Variants in SYBU observed in about 807,000 individuals in gnomAD.
SYBU encodes the protein GOLSYN A protein.
A neutral mutation model predicts 35.9 loss-of-function variants in SYBU; 21 were observed. The observed-to-expected ratio is 0.58, with a 90% CI of 0.41 to 0.84. SYBU has a LOEUF of 0.84. Ranked by LOEUF, SYBU falls within the 40% of genes least tolerant of loss-of-function variation. The pLI is 0.00. For missense variants in SYBU, 768 were observed against 848.2 expected, an observed-to-expected ratio of 0.91 and a Z score of 1.17; for synonymous variants, 319 against 324.3, an observed-to-expected ratio of 0.98 and a Z score of 0.18.
intron 1 of SYBU, 138 bp downstream of exon 1, chr8:109,644,498 T>C: frequency 9.7e-7 from 1 of 1,031,248 alleles, no homozygotes; most frequent in Non-Finnish European, 1.4e-6. Context: ...TCCTGCCTTC[T>C]CCAGACCCCA....
intron 1 of SYBU, among the ~76,000 whole-genome samples, chr8:109,671,393 A>G (rs1030587135): frequency 6.6e-6 from 1 of 152,182 alleles, no homozygotes; most frequent in African/African-American, 2.4e-5. Flanking sequence ...TCCTCTGAGA[A>G]GTACACTCAG....
At chr8:109,663,264 G>C (rs1438467141) in intron 1 of SYBU, among the ~76,000 whole-genome samples, 3 of 133,402 alleles carry the variant, frequency 2.2e-5, no homozygotes, top group African/African-American at 7.1e-5. Flanking sequence ...CATACAGATA[G>C]ATAGATAGAT....
intron 1 of SYBU, among the ~76,000 whole-genome samples, chr8:109,661,787 G>T (rs376599262): frequency 1.3e-5 from 2 of 152,126 alleles, no homozygotes; most frequent in East Asian, 3.8e-4. Flanking sequence ...AAAGAAGTTG[G>T]TAGAGCACCG....
intron 3 of SYBU, among the ~76,000 whole-genome samples, chr8:109,609,957 C>A (rs559670744): frequency 2.6e-5 from 4 of 152,194 alleles, no homozygotes; most frequent in Non-Finnish European, 5.9e-5. Context: ...AGAGGGATCC[C>A]AAACATGTAA....
At chr8:109,665,406 G>A (rs1176718148) in intron 1 of SYBU, among the ~76,000 whole-genome samples, 1 of 152,186 alleles carries the variant, frequency 6.6e-6, no homozygotes, top group African/African-American at 2.4e-5. Flanking sequence ...GCTGGCTAAA[G>A]CAGAGTTGAT....
chr8:109,597,001 C>A (rs1030085867), intron 3 of SYBU, among the ~76,000 whole-genome samples: 3 of 152,136 alleles, frequency 2.0e-5, no homozygotes, highest in Non-Finnish European at 2.9e-5. Context: ...AAACTAGAAT[C>A]TCTGTTTTAC....
chr8:109,601,911 A>G (rs918793432), intron 3 of SYBU, among the ~76,000 whole-genome samples: 9 of 152,154 alleles, frequency 5.9e-5, no homozygotes, highest in Admixed American at 3.9e-4. Flanking sequence ...GCAAGAGAGA[A>G]CCATAATGAG....
At position 109,653,403 on chromosome 8, in the gene SYBU, T is replaced by A. The variant is rs928174532; in HGVS notation, c.-129+27308A>T. ...CTCCCATCTTCCCCTGCCCTTTGCC[T>A]GCCTATTACCTTTGGATTTGCCTCC... is the stretch of plus-strand genomic sequence containing the variant. On this transcript the variant is annotated intron_variant, in intron 1 of 5. Transcript: ENST00000408889. Among the ~76,000 whole-genome samples, 11 of 152,274 alleles carry A rather than the reference T, an allele frequency of 7.2e-5. 1 individual carries two copies. The South Asian group carries it at 1.9e-3, about 26-fold the overall frequency.
chr8:109,675,348 G>T (rs547406966), intron 1 of SYBU, among the ~76,000 whole-genome samples: 6 of 152,080 alleles, frequency 3.9e-5, no homozygotes, highest in Admixed American at 3.3e-4. Context: ...AATGAATTCC[G>T]GAGCTGGTTT....
intron 2 of SYBU, among the ~76,000 whole-genome samples, chr8:109,622,148 A>T (rs907338689): frequency 6.6e-6 from 1 of 151,540 alleles, no homozygotes; most frequent in African/African-American, 2.4e-5. Context: ...GACTTAAATG[A>T]CTTCTGCTTC....
chr8:109,681,141 G>A (rs1396904913), upstream of SYBU: 1 of 152,214 alleles, frequency 6.6e-6, no homozygotes, highest in Non-Finnish European at 1.5e-5. Context: ...ATATATTAGA[G>A]ACACTGAGAA....
chr8:109,603,179 CT>C (rs1825725074), intron 3 of SYBU, among the ~76,000 whole-genome samples: 1 of 152,274 alleles, frequency 6.6e-6, no homozygotes, highest in Non-Finnish European at 1.5e-5. Flanking sequence ...GCAAAGAGCT[CT>C]GTCTCCAGCA....
intron 1 of SYBU, among the ~76,000 whole-genome samples, chr8:109,651,378 C>G (rs4506181): frequency 0.13 from 18,689 of 148,882 alleles, 3,251 homozygotes; most frequent in African/African-American, 0.39. Context: ...TCTGGAAAAA[C>G]ATCTGTGATG....
intron 2 of SYBU, among the ~76,000 whole-genome samples, chr8:109,624,275 G>T (rs1015490141): frequency 2.6e-5 from 4 of 152,024 alleles, no homozygotes; most frequent in Non-Finnish European, 4.4e-5. Context: ...AATTATCCAC[G>T]AACAATTCTT....
rs867826688 is a variant in SYBU, at chr8:109,644,763, G to T, written c.-104C>A. On this transcript the variant is annotated 5_prime_UTR_variant, in exon 1 of 7. Transcript: ENST00000276646. ...ACTGCGCTGAGCCGGCGCGGGCTGCGGGCGGCGGCTCTTGGTGAGGCTCCA... is the reference window on the plus strand; with the variant it reads ...ACTGCGCTGAGCCGGCGCGGGCTGCTGGCGGCGGCTCTTGGTGAGGCTCCA... The T allele has an allele frequency of 3.0e-5, 35 of 1,166,066 alleles. No homozygotes were observed. The highest frequency in any genetic ancestry group is 2.1e-4 in the Admixed American group (5 of 23,602). 72.2% of individuals were successfully genotyped at this position (1,166,066 alleles called of 1,614,324 possible).
At chr8:109,644,306 C>A in intron 1 of SYBU, 1 of 546,146 alleles carries the variant, frequency 1.8e-6, no homozygotes. Flanking sequence ...TCCTCTTTTC[C>A]CAGTCGCGGA....
At chr8:109,603,579 A>C (rs1420551184) in intron 3 of SYBU, 1 of 168,018 alleles carries the variant, frequency 6.0e-6, no homozygotes, top group Non-Finnish European at 1.2e-5. Flanking sequence ...TTCCCTCTCC[A>C]GCCCACAATG....
chr8:109,644,583 G>GCAGTGCCCGCCTTCCCCGCCCTC lies in SYBU; in HGVS notation c.24+30_24+52dup, dbSNP rs1158428996. Reference sequence around the variant, plus strand: ...CTCTCATCCCGCCGCTTCTCGCCCCGCAGTGCCCGCCTTCCCCGCCCTCCA... The same window carrying GCAGTGCCCGCCTTCCCCGCCCTC: ...CTCTCATCCCGCCGCTTCTCGCCCCGCAGTGCCCGCCTTCCCCGCCCTCCAGTGCCCGCCTTCCCCGCCCTCCA... On this transcript the variant is annotated intron_variant, in intron 1 of 6. Coordinates refer to ENST00000276646, the MANE Select transcript of SYBU (RefSeq NM_001099754.2). The GCAGTGCCCGCCTTCCCCGCCCTC allele has an allele frequency of 2.3e-5, 35 of 1,528,258 alleles. No individual in the cohort carries two copies. In the East Asian group the frequency reaches 7.7e-4, roughly 34 times the overall value. The allele number at this position is 1,528,258 out of a possible 1,614,324, so 94.7% of individuals were successfully genotyped here.
chr8:109,683,274 G>A (rs1348130906), upstream of SYBU, among the ~76,000 whole-genome samples: 1 of 152,258 alleles, frequency 6.6e-6, no homozygotes, highest in African/African-American at 2.4e-5. Flanking sequence ...GCTGTCTCAT[G>A]CAAAGCCACA....
Sources: gnomAD v4.1 joint callset for allele counts (sites outside exome capture counted in the v4.1 genomes callset) on GRCh38, gnomAD v4.1.1 for gene constraint, MANE v1.5 for transcripts, NCBI Gene and HGNC (gene_info 2026-07-23, HGNC 2026-07-21) for gene names.